Variants in TIMELESS observed in about 807,000 individuals in gnomAD.
TIMELESS encodes timeless circadian regulator.
TIMELESS carries 124 observed loss-of-function variants against 164.3 expected under a neutral mutation model. The observed-to-expected ratio is 0.75, with a 90% CI of 0.65 to 0.88. The LOEUF is 0.88. TIMELESS is among the 40% of genes least tolerant of loss of function. TIMELESS has a pLI of 0.00. For synonymous variants in TIMELESS, 564 were observed against 563.4 expected, an observed-to-expected ratio of 1.00 and a Z score of -0.02; for missense variants, 1,422 against 1,491.4, an observed-to-expected ratio of 0.95 and a Z score of 0.77.
chr12:56,424,726 C>G lies in TIMELESS; in HGVS notation c.1868+36G>C, dbSNP rs760394864. ...CCGCAGTGATGGCCTCCTCCTTCCC[C>G]CAAAGCCCAAGAGGATGAGCAGGCA... On this transcript the variant is annotated intron_variant, in intron 15 of 28. Coordinates refer to ENST00000553532, the MANE Select transcript of TIMELESS (RefSeq NM_003920.5). The G allele has an allele frequency of 4.4e-6, 7 of 1,603,348 alleles. No individual in the cohort carries two copies. In the East Asian group the frequency reaches 6.7e-5, roughly 15 times the overall value.
rs776504340 is a variant in TIMELESS, at chr12:56,430,214, C to T, written c.977G>A (p.Arg326Gln). The change falls in exon 10 of 29, where the codon CGA becomes CAA. Residue 326 changes from arginine to glutamine, a missense_variant. Coordinates refer to ENST00000553532, the MANE Select transcript of TIMELESS (RefSeq NM_003920.5). ...AGAACGGCGCTGAATGGACAGCTCTCGGGCGGCCTGGCGACGTTTAGGCAC... is the reference window on the plus strand; with the variant it reads ...AGAACGGCGCTGAATGGACAGCTCTTGGGCGGCCTGGCGACGTTTAGGCAC... ...KKVPKRRQAA[R>Q]ELSIQRRSAL... is the part of the protein sequence containing the mutation. 6 of 1,614,064 alleles carry T rather than the reference C, an allele frequency of 3.7e-6. No individual in the cohort carries two copies. The highest frequency in any genetic ancestry group is 4.2e-6 in the Non-Finnish European group (5 of 1,179,994).
At chr12:56,447,533 A>G (rs1290269869) in intron 1 of TIMELESS, among the ~76,000 whole-genome samples, 3 of 152,198 alleles carry the variant, frequency 2.0e-5, no homozygotes, top group African/African-American at 4.8e-5. Flanking sequence ...GAAGGAAGCC[A>G]GGAAGGACTT....
intron 13 of TIMELESS, among the ~76,000 whole-genome samples, chr12:56,425,816 A>C (rs1384160086): frequency 6.6e-6 from 1 of 152,176 alleles, no homozygotes; most frequent in Non-Finnish European, 1.5e-5. Flanking sequence ...GAGAGGTTGC[A>C]GTGAGCTGAG....
rs1881285585 is a variant in TIMELESS at position 56,417,087 on chromosome 12, T to TG, written c.*628dup. ...TTCAAGAGCACAGCAGGGGAAGGGC[T>TG]GGGGAACTTAGACATATCGCCAAGT... On this transcript the variant is annotated 3_prime_UTR_variant, in exon 29 of 29. Transcript: ENST00000553532. The TG allele has an allele frequency of 6.5e-6, 1 of 152,734 alleles. No homozygotes were observed. The highest frequency in any genetic ancestry group is 2.4e-5 in the African/African-American group (1 of 41,454). 9.5% of individuals were successfully genotyped at this position (152,734 alleles called of 1,614,324 possible). A position where few individuals can be genotyped will look rare whatever the true frequency, so the allele number is the denominator to read the frequency against.
At chr12:56,441,256 T>A (rs1263352977) in intron 1 of TIMELESS, among the ~76,000 whole-genome samples, 1 of 152,206 alleles carries the variant, frequency 6.6e-6, no homozygotes, top group Non-Finnish European at 1.5e-5. Flanking sequence ...GAGGGAAAAA[T>A]CTACCTGGTC....
rs534049350 is a variant in TIMELESS at position 56,421,224 on chromosome 12, C to G, written c.2869-90G>C. On this transcript the variant is annotated intron_variant, in intron 23 of 28. Transcript: ENST00000553532. ...CTCGTTCCTGACCACCGCACCCCCC[C>G]GCGCCTGCTCTCTCGGAAGGACCTG... 6.4e-5 allele frequency: 101 copies of G among 1,588,074 alleles called. No individual in the cohort carries two copies. The South Asian group carries it at 9.3e-4, about 15-fold the overall frequency.
At chr12:56,438,992 T>C (rs951798182) in intron 1 of TIMELESS, among the ~76,000 whole-genome samples, 1 of 150,522 alleles carries the variant, frequency 6.6e-6, no homozygotes, top group Non-Finnish European at 1.5e-5. Flanking sequence ...GGTGAAACCC[T>C]GTCTCTACTA....
At chr12:56,429,170 A>G (rs1881785082) in intron 10 of TIMELESS, 70 bp from the exon 11 acceptor site, 5 of 1,380,056 alleles carry the variant, frequency 3.6e-6, no homozygotes, top group Middle Eastern at 4.1e-4. Context: ...TTCCTGTCCT[A>G]TGATGATGGA....
chr12:56,430,520 C>T (rs914348460), intron 9 of TIMELESS, among the ~76,000 whole-genome samples: 12 of 151,926 alleles, frequency 7.9e-5, no homozygotes, highest in African/African-American at 2.7e-4. Flanking sequence ...CGGGTGCCAC[C>T]ATGCTCAGTT....
At chr12:56,421,260 C>G (rs1279930477) in intron 23 of TIMELESS, 91 bp downstream of exon 23, 5 of 1,582,102 alleles carry the variant, frequency 3.2e-6, no homozygotes, top group African/African-American at 1.3e-5. Flanking sequence ...GTCAGAACAG[C>G]CTCAGGCAGG....
In TIMELESS at chr12:56,417,920, C is replaced by G; in HGVS notation, c.3543G>C (p.Glu1181Asp). The change falls in exon 28 of 29, where the codon GAG (glutamate) becomes GAC (aspartate). Residue 1181 changes from glutamate to aspartate, a missense_variant. Coordinates refer to ENST00000553532, the MANE Select transcript of TIMELESS (RefSeq NM_003920.5). Reference sequence around the variant, plus strand: ...CAAATTCCCTACCTCTGTTCCTGCCCTCATCTTCTTCCTGTTCCTCGTCGC... The same window carrying G: ...CAAATTCCCTACCTCTGTTCCTGCCGTCATCTTCTTCCTGTTCCTCGTCGC... ...LDSDEEQEED[E>D]GRNRAPELGA... is the part of the protein sequence containing the mutation. The G allele has an allele frequency of 6.2e-7, 1 of 1,614,206 alleles. No homozygotes were observed. The highest frequency in any genetic ancestry group is 1.1e-5 in the South Asian group (1 of 91,080).
At chr12:56,432,836 C>G (rs1565685192) in intron 6 of TIMELESS, among the ~76,000 whole-genome samples, 190 bp downstream of exon 6, 1 of 151,108 alleles carries the variant, frequency 6.6e-6, no homozygotes, top group Non-Finnish European at 1.5e-5. Flanking sequence ...GTAGTCCCAG[C>G]TACTCAGGAG....
chr12:56,436,453 C>CA (rs1280432449), intron 1 of TIMELESS, among the ~76,000 whole-genome samples: 1 of 152,058 alleles, frequency 6.6e-6, no homozygotes, highest in East Asian at 1.9e-4. Flanking sequence ...GACTCCATCT[C>CA]AAAAAATAAA....
chr12:56,433,695 CCAGCTCAAACGCCAAACCTAT>C (rs1377028906), intron 3 of TIMELESS, 43 bp from the exon 4 acceptor site: 10 of 1,613,560 alleles, frequency 6.2e-6, no homozygotes, highest in Non-Finnish European at 8.5e-6. Flanking sequence ...AGTTTCTTTA[CCAGCTCAAACGCCAAACCTAT>C]CAGCTCAAAC....
At chr12:56,446,733 G>A (rs532096165) in intron 1 of TIMELESS, among the ~76,000 whole-genome samples, 1 of 151,166 alleles carries the variant, frequency 6.6e-6, no homozygotes, top group South Asian at 2.1e-4. Flanking sequence ...TTGGGAGGCT[G>A]AGCCAGGAGA....
Position 56,431,511 on chromosome 12 carries a change from T to C in TIMELESS, c.781A>G (p.Met261Val). 1.2e-6 allele frequency: 2 copies of C among 1,613,574 alleles called. No homozygotes were observed. The highest frequency in any genetic ancestry group is 2.2e-5 in the South Asian group (2 of 91,012). Residue 261 changes from methionine to valine, a missense_variant, in exon 8 of 29, where the codon ATG (methionine) becomes GTG (valine). By Grantham distance (21) the Met-to-Val change is conservative. Transcript: ENST00000553532. The stretch of plus-strand genomic sequence containing the variant: ...AGGGCTCGAGTCTTCTTTTCTGCCA[T>C]CTCTCGCTGGCGCAACACCTCCAGT... Reference protein sequence around the residue: ...AELEVLRQREMAEKKTRALQR... With the variant: ...AELEVLRQREVAEKKTRALQR...
Position 56,433,841 on chromosome 12 carries a change from T to C in TIMELESS, c.183A>G (p.Leu61=), listed in dbSNP as rs1336895590. 6.2e-7 allele frequency: 1 copy of C among 1,614,052 alleles called. No homozygotes were observed. The highest frequency in any genetic ancestry group is 2.2e-5 in the East Asian group (1 of 44,898). Residue 61 remains leucine (L), a synonymous_variant, in exon 3 of 29, where the codon CTA becomes CTG. Coordinates refer to ENST00000553532, the MANE Select transcript of TIMELESS (RefSeq NM_003920.5). ...TGAGGATGGGCAGAAGGTCGCTCTG[T>C]AGGATCTGGGCTGCCCCCAGCTGCT... is the stretch of plus-strand genomic sequence containing the variant. ...VRQQLGAAQI[L]QSDLLPILTQ...
In TIMELESS at chr12:56,423,400, G is replaced by T; in HGVS notation, c.2166C>A (p.Asn722Lys). Residue 722 changes from asparagine (N) to lysine (K), a missense_variant, in exon 18 of 29, where the codon AAC becomes AAA. Coordinates refer to ENST00000553532, the MANE Select transcript of TIMELESS (RefSeq NM_003920.5). ...RSYQQNSAHT[N>K]HCIVKMLHRL... Reference sequence around the variant, plus strand: ...GGTGCAGCATCTTCACAATGCAATGGTTAGTGTGGGCACTATTCTGCTGGT... The same window carrying T: ...GGTGCAGCATCTTCACAATGCAATGTTTAGTGTGGGCACTATTCTGCTGGT... 1 of 1,614,166 alleles carries T rather than the reference G, an allele frequency of 6.2e-7. No individual in the cohort carries two copies. The highest frequency in any genetic ancestry group is 1.3e-5 in the African/African-American group (1 of 75,022).
chr12:56,446,827 A>AAT (rs201239046), intron 1 of TIMELESS, among the ~76,000 whole-genome samples: 1 of 148,696 alleles, frequency 6.7e-6, no homozygotes, highest in African/African-American at 2.5e-5. Flanking sequence ...AAAAAAAAAG[A>AAT]CTGCCCAAAA....
Sources: allele counts gnomAD v4.1 joint callset (sites outside exome capture counted in the v4.1 genomes callset), GRCh38; gene constraint gnomAD v4.1.1; transcripts MANE v1.5; gene names NCBI Gene and HGNC (gene_info 2026-07-23, HGNC 2026-07-21).